The following UGGT1 variants were observed in gnomAD, a reference collection of about 807,000 sequenced individuals.
UGGT1 encodes UDP-glucose:glycoprotein glucosyltransferase 1.
A neutral mutation model predicts 203.9 loss-of-function variants in UGGT1; 107 were observed. That is an observed-to-expected ratio of 0.52 (90% CI 0.45 to 0.62). The LOEUF (loss-of-function observed/expected upper bound fraction) is 0.62. UGGT1 is among the 20% of genes least tolerant of loss of function. The pLI, the probability that UGGT1 is intolerant of heterozygous loss-of-function variation, is 0.00. For missense variants in UGGT1, 1,673 were observed against 1,867.2 expected (o/e 0.90, Z 1.92); for synonymous variants, 628 against 653.5 (o/e 0.96, Z 0.59).
intron 38 of UGGT1, among the ~76,000 whole-genome samples, chr2:128,184,224 T>C (rs1040727547): frequency 6.6e-6 from 1 of 152,164 alleles, no homozygotes; most frequent in Non-Finnish European, 1.5e-5. Context: ...TCAGAAACCA[T>C]GATGTGTTTC....
intron 17 of UGGT1, among the ~76,000 whole-genome samples, chr2:128,145,014 C>T (rs140418631): frequency 1.8e-3 from 268 of 152,044 alleles, no homozygotes; most frequent in Non-Finnish European, 3.2e-3. Flanking sequence ...GTACATTTGC[C>T]GTTTTGTTGC....
intron 40 of UGGT1, among the ~76,000 whole-genome samples, chr2:128,188,610 ATGGGCTC>A (rs1692109394): frequency 6.6e-6 from 1 of 152,242 alleles, no homozygotes; most frequent in Admixed American, 6.5e-5. Flanking sequence ...TGGTATGTAC[ATGGGCTC>A]TGGATTTTTA....
chr2:128,160,877 A>T (rs1690493467), intron 24 of UGGT1, among the ~76,000 whole-genome samples: 1 of 152,166 alleles, frequency 6.6e-6, no homozygotes, highest in African/African-American at 2.4e-5. Context: ...TGTTGTTTTT[A>T]TTCAGGTAGA....
intron 2 of UGGT1, chr2:128,102,978 T>C (rs371154660): frequency 2.6e-4 from 118 of 450,714 alleles, no homozygotes; most frequent in South Asian, 1.5e-3. Context: ...CATTGAGAAA[T>C]TTAATATATT....
chr2:128,116,441 G>A (rs1045377374), intron 8 of UGGT1, 98 bp downstream of exon 8: 19 of 759,926 alleles, frequency 2.5e-5, no homozygotes, highest in Non-Finnish European at 3.9e-5. Flanking sequence ...TACTGTCTGA[G>A]TTTCTCATCT....
In UGGT1 at chr2:128,160,412, G is replaced by A. The variant is rs192792641; in HGVS notation, c.2563-48G>A. 200 of 1,541,044 alleles carry A rather than the reference G, an allele frequency of 1.3e-4. No homozygotes were observed. The South Asian group carries it at 1.5e-3, about 11-fold the overall frequency. On this transcript the variant is annotated intron_variant, in intron 23 of 40. Transcript: ENST00000259253. The stretch of plus-strand genomic sequence containing the variant: ...TTCACTGTGTTTATTTGTTTATATG[G>A]TTTGCTTAGTAACGACTATTTTTCC...
intron 26 of UGGT1, among the ~76,000 whole-genome samples, chr2:128,168,391 A>G (rs1012818996): frequency 1.3e-5 from 2 of 152,208 alleles, no homozygotes; most frequent in African/African-American, 4.8e-5. Flanking sequence ...AGCTATTCTC[A>G]TGGTTATTTC....
intron 18 of UGGT1, 102 bp downstream of exon 18, chr2:128,146,069 A>G: frequency 7.1e-7 from 1 of 1,401,924 alleles, no homozygotes; most frequent in Non-Finnish European, 9.8e-7. Flanking sequence ...ACTATTTGGG[A>G]GGCTGAGGCG....
intron 8 of UGGT1, among the ~76,000 whole-genome samples, chr2:128,120,099 A>G (rs1688305673): frequency 6.6e-6 from 1 of 151,310 alleles, no homozygotes; most frequent in Non-Finnish European, 1.5e-5. Flanking sequence ...TTTGTTAACC[A>G]CTCTCAGTCT....
chr2:128,156,468 G>A (rs775383757), intron 21 of UGGT1, 53 bp downstream of exon 21: 3 of 1,389,082 alleles, frequency 2.2e-6, no homozygotes. Context: ...TTTGGTTTCA[G>A]TGACCATTGT....
intron 15 of UGGT1, among the ~76,000 whole-genome samples, chr2:128,136,292 A>C (rs1466748104): frequency 6.6e-6 from 1 of 152,220 alleles, no homozygotes; most frequent in Non-Finnish European, 1.5e-5. Flanking sequence ...GTATGATGTA[A>C]AGTATTCACA....
chr2:128,148,002 C>A (rs1178402343), intron 18 of UGGT1, among the ~76,000 whole-genome samples: 1 of 152,112 alleles, frequency 6.6e-6, no homozygotes, highest in African/African-American at 2.4e-5. Flanking sequence ...TTATGTTGTT[C>A]TTTGTTGTTG....
chr2:128,171,185 T>C lies in UGGT1; in HGVS notation c.3025-20T>C. ...GAAGAAAAAAATCCTAAATATTTTG[T>C]CATCTGGTTTTCCTTCTAGGTTTTG... On this transcript the variant is annotated intron_variant, in intron 27 of 40. Coordinates refer to ENST00000259253, the MANE Select transcript of UGGT1 (RefSeq NM_020120.4). 2 of 1,596,604 alleles carry C rather than the reference T, an allele frequency of 1.3e-6. No homozygotes were observed. Among genetic ancestry groups the C allele is most frequent in the Non-Finnish European group, 1.7e-6 (2 of 1,174,132 alleles).
At chr2:128,149,460 C>T (rs1203266793) in intron 18 of UGGT1, among the ~76,000 whole-genome samples, 1 of 150,132 alleles carries the variant, frequency 6.7e-6, no homozygotes, top group African/African-American at 2.4e-5. Flanking sequence ...CTGGCTAACA[C>T]GGTGAAACCC....
chr2:128,133,165 A>G lies in UGGT1; in HGVS notation c.1402A>G (p.Ser468Gly), dbSNP rs1688962894. ...ISWVNNLEVD[S>G]RYNSWPSSLQ... ...GTGGGTCAACAACCTGGAGGTTGATAGCAGATATAATTCGTGGCCTTCTAG... is the reference window on the plus strand; with the variant it reads ...GTGGGTCAACAACCTGGAGGTTGATGGCAGATATAATTCGTGGCCTTCTAG... The change falls in exon 14 of 41, where the codon AGC becomes GGC. Residue 468 changes from serine to glycine, a missense_variant. Transcript: ENST00000259253. 1 of 1,613,972 alleles carries G rather than the reference A, an allele frequency of 6.2e-7. No homozygotes were observed. The highest frequency in any genetic ancestry group is 1.3e-5 in the African/African-American group (1 of 74,942).
At position 128,193,269 on chromosome 2, in the gene UGGT1, T is replaced by C. The variant is rs1265649389; in HGVS notation, c.*3527T>C. The stretch of plus-strand genomic sequence containing the variant: ...GTCCTTAAGCCCTCGTGGGTTTTTT[T>C]TTAAGAGAGTCTCATTCTGTCACCC... On this transcript the variant is annotated 3_prime_UTR_variant, in exon 41 of 41. Coordinates refer to ENST00000259253, the MANE Select transcript of UGGT1 (RefSeq NM_020120.4). 6.6e-6 allele frequency: 1 copy of C among 151,198 alleles called. No individual in the cohort carries two copies. The highest frequency in any genetic ancestry group is 1.5e-5 in the Non-Finnish European group (1 of 67,834). The allele number at this position is 151,198 out of a possible 1,614,324, so 9.4% of individuals were successfully genotyped here.
At chr2:128,148,856 C>T (rs1689813763) in intron 18 of UGGT1, among the ~76,000 whole-genome samples, 1 of 152,082 alleles carries the variant, frequency 6.6e-6, no homozygotes, top group Non-Finnish European at 1.5e-5. Flanking sequence ...TTGTGTTTGA[C>T]AGATACCCCC....
intron 35 of UGGT1, 102 bp from the exon 36 acceptor site, chr2:128,180,788 T>C: frequency 8.2e-7 from 1 of 1,213,008 alleles, no homozygotes; most frequent in Non-Finnish European, 1.1e-6. Flanking sequence ...TTTTGGTAAA[T>C]GTGTTTTATT....
intron 13 of UGGT1, among the ~76,000 whole-genome samples, chr2:128,132,559 A>G (rs1268457718): frequency 6.6e-6 from 1 of 152,162 alleles, no homozygotes; most frequent in Admixed American, 6.5e-5. Flanking sequence ...AACAAAAACA[A>G]ACAAACAAAA....
Sources: gnomAD v4.1 joint callset for allele counts (sites outside exome capture counted in the v4.1 genomes callset) on GRCh38, gnomAD v4.1.1 for gene constraint, MANE v1.5 for transcripts, NCBI Gene and HGNC (gene_info 2026-07-23, HGNC 2026-07-21) for gene names.